The following STOX2 variants were observed in gnomAD, a reference collection of about 807,000 sequenced individuals.
The protein encoded by STOX2 is storkhead-box protein 2.
Under a neutral mutation model 60.9 loss-of-function variants are expected in STOX2, and 28 were observed. The observed-to-expected ratio is 0.46, with a 90% CI of 0.34 to 0.63. The LOEUF (loss-of-function observed/expected upper bound fraction) is 0.63, where lower values mean the gene tolerates loss of function less well. Among genes scored for constraint, STOX2 ranks in the 30% least tolerant of loss-of-function variants. STOX2 has a pLI of 0.01. For missense variants in STOX2, 1,024 were observed against 1,187.7 expected (o/e 0.86, Z 2.03); for synonymous variants, 472 against 463.9 (o/e 1.02, Z -0.22).
In STOX2 at chr4:184,018,087, T is replaced by C. The variant is rs1168470353; in HGVS notation, c.*803T>C. 2.0e-5 allele frequency: 3 copies of C among 152,178 alleles called. No homozygotes were observed. Among genetic ancestry groups the C allele is most frequent in the African/African-American group, 4.8e-5 (2 of 41,430 alleles). The allele number at this position is 152,178 out of a possible 1,614,324, so 9.4% of individuals were successfully genotyped here. On this transcript the variant is annotated 3_prime_UTR_variant, in exon 4 of 4. Transcript: ENST00000308497. ...TTTCCAGTCTGGCTGGGGCACAGCA[T>C]TAGGTGATTGAAAAGGTGATGTGGA...
intron 2 of STOX2, among the ~76,000 whole-genome samples, chr4:184,002,925 A>C (rs1733660232): frequency 6.6e-6 from 1 of 152,242 alleles, no homozygotes; most frequent in Non-Finnish European, 1.5e-5. Flanking sequence ...TATGGTTCAA[A>C]ATCTCTAACA....
intron 1 of STOX2, among the ~76,000 whole-genome samples, chr4:183,801,997 G>A (rs1311158965): frequency 6.6e-6 from 1 of 152,180 alleles, no homozygotes; most frequent in African/African-American, 2.4e-5. Flanking sequence ...CACTTGCACA[G>A]GCCACGGTTA....
intron 1 of STOX2, among the ~76,000 whole-genome samples, chr4:183,986,762 A>C (rs995252687): frequency 1.4e-4 from 21 of 152,100 alleles, no homozygotes; most frequent in African/African-American, 2.7e-4. Flanking sequence ...TTTGAACTCA[A>C]CTCACAGGGG....
chr4:183,927,175 C>T (rs920127848), intron 1 of STOX2, among the ~76,000 whole-genome samples: 34 of 152,210 alleles, frequency 2.2e-4, no homozygotes, highest in Non-Finnish European at 8.8e-5. Flanking sequence ...AGAGCCAACG[C>T]CAAATAGTGG....
chr4:183,902,972 C>A (rs1238966757), upstream of STOX2, among the ~76,000 whole-genome samples: 1 of 152,158 alleles, frequency 6.6e-6, no homozygotes, highest in African/African-American at 2.4e-5. Context: ...TGTCCATCAA[C>A]TCACCTCCCG....
At chr4:183,979,340 T>A (rs1560916485) in intron 1 of STOX2, among the ~76,000 whole-genome samples, 1 of 152,130 alleles carries the variant, frequency 6.6e-6, no homozygotes, top group East Asian at 1.9e-4. Flanking sequence ...TCATGAGAAC[T>A]CCACCCCTAT....
intron 1 of STOX2, among the ~76,000 whole-genome samples, chr4:183,829,697 T>G (rs1468988389): frequency 6.6e-6 from 1 of 152,164 alleles, no homozygotes; most frequent in African/African-American, 2.4e-5. Flanking sequence ...AGATAGTGAG[T>G]CAATACGTTC....
chr4:183,970,172 G>GTGTGTA (rs1743699832), intron 1 of STOX2, among the ~76,000 whole-genome samples: 1 of 150,432 alleles, frequency 6.6e-6, no homozygotes. Flanking sequence ...GTGTGTGTGT[G>GTGTGTA]TGTGTGTGTG....
chr4:183,845,316 G>A (rs13129925), intron 1 of STOX2, among the ~76,000 whole-genome samples: 41,207 of 152,020 alleles, frequency 0.27, 6,017 homozygotes, highest in South Asian at 0.34. Flanking sequence ...AGCCGGAAAA[G>A]CTTCAGAAAA....
intron 1 of STOX2, among the ~76,000 whole-genome samples, chr4:183,922,204 G>A (rs1476556548): frequency 6.6e-6 from 1 of 151,918 alleles, no homozygotes; most frequent in Non-Finnish European, 1.5e-5. Flanking sequence ...CTGTTCCCTG[G>A]TGCTTTGAGA....
chr4:183,910,557 C>T (rs1026005848), intron 1 of STOX2, among the ~76,000 whole-genome samples: 5 of 152,064 alleles, frequency 3.3e-5, no homozygotes, highest in Admixed American at 6.6e-5. Context: ...TGTATAATGC[C>T]AGCAAAGTTT....
At chr4:183,858,324 G>A (rs1290116423) in intron 1 of STOX2, among the ~76,000 whole-genome samples, 1 of 152,230 alleles carries the variant, frequency 6.6e-6, no homozygotes, top group Non-Finnish European at 1.5e-5. Flanking sequence ...TGTGCGGGCT[G>A]CAAGCCTGGG....
In STOX2 at chr4:183,800,072, G is replaced by A. The variant is rs116630046; in HGVS notation, c.364+2017G>A. On this transcript the variant is annotated intron_variant, in intron 1 of 2. Coordinates refer to the STOX2 transcript ENST00000513034. ...TTCTTTTGAACTGCCTGGGGGGTGG[G>A]GTGGGTTAAAAATCTCCACTGGAAT... is the stretch of plus-strand genomic sequence containing the variant. 9.8e-3 allele frequency among the ~76,000 whole-genome samples: 1,488 copies of A among 152,172 alleles called. 25 individuals carry two copies. Among genetic ancestry groups the A allele is most frequent in the African/African-American group, 0.034 (1,398 of 41,498 alleles).
chr4:183,931,806 C>T (rs1025457987), intron 1 of STOX2, among the ~76,000 whole-genome samples: 1 of 152,074 alleles, frequency 6.6e-6, no homozygotes, highest in Non-Finnish European at 1.5e-5. Flanking sequence ...CAAATGGGAA[C>T]GTATGGTTAC....
intron 1 of STOX2, among the ~76,000 whole-genome samples, chr4:183,951,167 AT>A (rs1432396521): frequency 6.6e-6 from 1 of 150,432 alleles, no homozygotes; most frequent in Admixed American, 6.6e-5. Flanking sequence ...GTGAGCCGAG[AT>A]CGCGCCACTG....
chr4:183,905,465 C>A lies in STOX2; in HGVS notation c.-1326C>A, dbSNP rs948032912. On this transcript the variant is annotated 5_prime_UTR_variant, in exon 1 of 4. Coordinates refer to ENST00000308497, the MANE Select transcript of STOX2 (RefSeq NM_020225.3). ...AGGCTGCGTGGACCCGGCGCCCCGG[C>A]GTGTGCGGTTGTGGGGGAGCTCGCC... is the stretch of plus-strand genomic sequence containing the variant. The A allele has an allele frequency of 2.0e-5, 3 of 152,302 alleles. No homozygotes were observed. Among genetic ancestry groups the A allele is most frequent in the African/African-American group, 7.2e-5 (3 of 41,456 alleles). The allele number at this position is 152,302 out of a possible 1,614,324, so 9.4% of individuals were successfully genotyped here.
At chr4:183,938,418 C>T (rs1295596347) in intron 1 of STOX2, among the ~76,000 whole-genome samples, 1 of 152,084 alleles carries the variant, frequency 6.6e-6, no homozygotes, top group Non-Finnish European at 1.5e-5. Flanking sequence ...CTTGTAATCC[C>T]AGCACTTTGG....
intron 1 of STOX2, among the ~76,000 whole-genome samples, chr4:183,900,055 A>G (rs978563906): frequency 6.6e-6 from 1 of 152,210 alleles, no homozygotes; most frequent in African/African-American, 2.4e-5. Flanking sequence ...TGCTCTATAA[A>G]TGGAACAACA....
intron 1 of STOX2, among the ~76,000 whole-genome samples, chr4:183,893,401 C>T (rs1013525534): frequency 3.9e-5 from 6 of 152,136 alleles, no homozygotes; most frequent in African/African-American, 1.4e-4. Flanking sequence ...CTTCCCTTTG[C>T]GGCCAGCATC....
Sources: allele counts gnomAD v4.1 joint callset (sites outside exome capture counted in the v4.1 genomes callset), GRCh38; gene constraint gnomAD v4.1.1; transcripts MANE v1.5; gene names NCBI Gene and HGNC (gene_info 2026-07-23, HGNC 2026-07-21).